ASTN2: variants seen among roughly 807,000 people sequenced by gnomAD.
ASTN2 encodes astrotactin 2, also known as astrotactin-2.
A neutral mutation model predicts 139.8 loss-of-function variants in ASTN2; 54 were observed. That is an observed-to-expected ratio of 0.39 (90% CI 0.31 to 0.48). ASTN2 has a LOEUF of 0.48. Among genes scored for constraint, ASTN2 ranks in the 20% least tolerant of loss-of-function variants. ASTN2 has a pLI of 0.95. For synonymous variants in ASTN2, 756 were observed against 719.5 expected, an observed-to-expected ratio of 1.05 and a Z score of -0.81; for missense variants, 1,565 against 1,725.1, an observed-to-expected ratio of 0.91 and a Z score of 1.64.
intron 12 of ASTN2, among the ~76,000 whole-genome samples, chr9:116,806,266 G>A (rs546143000): frequency 4.4e-4 from 67 of 152,270 alleles, no homozygotes; most frequent in Admixed American, 8.5e-4. Context: ...AACCTTCCAG[G>A]ACCATGGACA....
intron 10 of ASTN2, among the ~76,000 whole-genome samples, chr9:116,925,716 G>A (rs577480731): frequency 9.9e-5 from 15 of 151,448 alleles, no homozygotes; most frequent in Non-Finnish European, 1.8e-4. Context: ...GGGGTGGGGG[G>A]ATGAACATAT....
chr9:117,295,087 C>T (rs990898905), intron 1 of ASTN2, among the ~76,000 whole-genome samples: 3 of 152,022 alleles, frequency 2.0e-5, no homozygotes, highest in Admixed American at 1.3e-4. Context: ...TTTGAGAGGC[C>T]GAGGCAGGCG....
At chr9:117,205,840 C>T (rs771071239) in intron 3 of ASTN2, among the ~76,000 whole-genome samples, 2 of 152,160 alleles carry the variant, frequency 1.3e-5, no homozygotes, top group South Asian at 4.1e-4. Flanking sequence ...AAGAACTGTG[C>T]CTTTGTTGCA....
chr9:117,092,114 C>G (rs1256315559), intron 5 of ASTN2, among the ~76,000 whole-genome samples: 1 of 152,144 alleles, frequency 6.6e-6, no homozygotes. Context: ...TGGTTCATGT[C>G]CCATGGATGA....
At chr9:116,516,001 A>C (rs1336675713) in intron 19 of ASTN2, among the ~76,000 whole-genome samples, 1 of 152,216 alleles carries the variant, frequency 6.6e-6, no homozygotes, top group African/African-American at 2.4e-5. Flanking sequence ...TTCCCAGGTA[A>C]TGCTGTTGGT....
Position 116,812,165 on chromosome 9 carries a change from C to T in ASTN2, c.2208-6345G>A, listed in dbSNP as rs140600846. Reference sequence around the variant, plus strand: ...TAGTGGAATGCTTTTGTATATATGACCTGGTTTGCTCCTTATAACCTGTAA... The same window carrying T: ...TAGTGGAATGCTTTTGTATATATGATCTGGTTTGCTCCTTATAACCTGTAA... On this transcript the variant is annotated intron_variant, in intron 12 of 22. Coordinates refer to ENST00000313400, the MANE Select transcript of ASTN2 (RefSeq NM_001365068.1). Among the ~76,000 whole-genome samples, 162 of 152,198 alleles carry T rather than the reference C, an allele frequency of 1.1e-3. 1 individual carries two copies. Among genetic ancestry groups the T allele is most frequent in the African/African-American group, 3.7e-3 (152 of 41,512 alleles).
intron 14 of ASTN2, among the ~76,000 whole-genome samples, chr9:116,731,178 GTAATAATAATAATAATAA>G (rs68099311): frequency 0.024 from 3,416 of 140,154 alleles, 157 homozygotes; most frequent in African/African-American, 0.085. Context: ...ATTTTTCCTG[GTAATAATAATAATAATAA>G]TAATAATAAT....
chr9:116,648,009 T>G (rs1857692309), intron 17 of ASTN2, among the ~76,000 whole-genome samples: 1 of 150,900 alleles, frequency 6.6e-6, no homozygotes, highest in South Asian at 2.1e-4. Context: ...TCTTTTCTTT[T>G]TTTTTTTTTT....
intron 22 of ASTN2, among the ~76,000 whole-genome samples, chr9:116,427,831 G>A (rs1005893759): frequency 6.6e-5 from 10 of 152,200 alleles, no homozygotes; most frequent in Non-Finnish European, 1.2e-4. Flanking sequence ...CCTCGGGCAA[G>A]TGCCCCCCCC....
chr9:117,165,248 C>G (rs1830644062), intron 3 of ASTN2, among the ~76,000 whole-genome samples: 1 of 152,086 alleles, frequency 6.6e-6, no homozygotes, highest in Admixed American at 6.6e-5. Flanking sequence ...TTACAACATG[C>G]CTTGTATGAT....
chr9:117,115,917 C>A (rs900297858), intron 4 of ASTN2, among the ~76,000 whole-genome samples: 1 of 151,574 alleles, frequency 6.6e-6, no homozygotes, highest in African/African-American at 2.4e-5. Context: ...CCCAGCTACT[C>A]GGCAGGCTGA....
intron 2 of ASTN2, among the ~76,000 whole-genome samples, chr9:117,242,861 C>A (rs995724972): frequency 3.9e-5 from 6 of 152,206 alleles, no homozygotes; most frequent in African/African-American, 1.4e-4. Context: ...CTGTGTGTCA[C>A]CCTCTGTGTG....
intron 10 of ASTN2, among the ~76,000 whole-genome samples, chr9:116,868,512 T>G (rs1241010140): frequency 6.6e-6 from 1 of 152,102 alleles, no homozygotes; most frequent in African/African-American, 2.4e-5. Context: ...AGCCTGAGAG[T>G]TCTTTGTGTA....
intron 11 of ASTN2, among the ~76,000 whole-genome samples, chr9:116,824,532 A>C (rs1831572632): frequency 6.6e-6 from 1 of 152,232 alleles, no homozygotes. Flanking sequence ...GTGAGCCTGC[A>C]AATACACTAT....
At chr9:116,733,115 A>C (rs1308299701) in intron 14 of ASTN2, among the ~76,000 whole-genome samples, 1 of 152,242 alleles carries the variant, frequency 6.6e-6, no homozygotes, top group Non-Finnish European at 1.5e-5. Context: ...AGACTCATTC[A>C]CAGAGGCAAA....
At chr9:116,604,674 T>C (rs1855094971) in intron 19 of ASTN2, among the ~76,000 whole-genome samples, 1 of 152,190 alleles carries the variant, frequency 6.6e-6, no homozygotes, top group Non-Finnish European at 1.5e-5. Context: ...TCACAGCCAC[T>C]GCTGCCACCA....
At chr9:116,945,334 T>C (rs1835362747) in intron 10 of ASTN2, among the ~76,000 whole-genome samples, 1 of 152,074 alleles carries the variant, frequency 6.6e-6, no homozygotes, top group Non-Finnish European at 1.5e-5. Flanking sequence ...CACATGCAAA[T>C]GGTAAACATT....
chr9:117,312,714 T>C (rs540815774), intron 1 of ASTN2, among the ~76,000 whole-genome samples: 2 of 152,176 alleles, frequency 1.3e-5, no homozygotes, highest in African/African-American at 4.8e-5. Flanking sequence ...CAGGGCTCCA[T>C]ATCAGCTCTG....
At chr9:117,296,902 A>G (rs1471357045) in intron 1 of ASTN2, among the ~76,000 whole-genome samples, 1 of 152,188 alleles carries the variant, frequency 6.6e-6, no homozygotes, top group East Asian at 1.9e-4. Flanking sequence ...AAGCTGAGAG[A>G]GAGGATCAGC....
Sources: allele counts gnomAD v4.1 joint callset (sites outside exome capture counted in the v4.1 genomes callset), GRCh38; gene constraint gnomAD v4.1.1; transcripts MANE v1.5; gene names NCBI Gene and HGNC (gene_info 2026-07-23, HGNC 2026-07-21).